CAMTA1: variants seen among roughly 807,000 people sequenced by gnomAD.
The protein encoded by CAMTA1 is calmodulin-binding transcription activator 1.
CAMTA1 carries 27 observed loss-of-function variants against 170.9 expected under a neutral mutation model. The ratio of observed to expected loss-of-function variants is 0.16; its 90% CI spans 0.12 to 0.22. The LOEUF is 0.22. Ranked by LOEUF, CAMTA1 falls within the 10% of genes least tolerant of loss-of-function variation. The pLI is 1.00. For synonymous variants in CAMTA1, 833 were observed against 891.5 expected (o/e 0.93, Z 1.17); for missense variants, 1,619 against 2,217.2 (o/e 0.73, Z 5.42).
intron 5 of CAMTA1, among the ~76,000 whole-genome samples, chr1:7,460,445 G>T (rs189050651): frequency 6.2e-4 from 94 of 152,166 alleles, no homozygotes; most frequent in African/African-American, 2.1e-3. Flanking sequence ...CTACGAGACT[G>T]GGGGAGGCTG....
rs1185313778 is a variant in CAMTA1, at chr1:7,732,295, A to G, written c.2915-153A>G. 1.3e-5 allele frequency among the ~76,000 whole-genome samples: 2 copies of G among 152,168 alleles called. No homozygotes were observed. Among genetic ancestry groups the G allele is most frequent in the Non-Finnish European group, 2.9e-5 (2 of 68,028 alleles). On this transcript the variant is annotated intron_variant, in intron 11 of 22. Coordinates refer to ENST00000303635, the MANE Select transcript of CAMTA1 (RefSeq NM_015215.4). The surrounding 1 kb of genome is among the most constrained non-coding windows in gnomAD (Gnocchi z 4.1). ...TGTGTGAGGTGGTGACAGATTCACG[A>G]TCGTGCTGGGGAACTCTGGCTGGCG...
intron 3 of CAMTA1, among the ~76,000 whole-genome samples, chr1:7,049,916 G>A (rs1479618377): frequency 2.6e-5 from 4 of 152,248 alleles, no homozygotes; most frequent in Non-Finnish European, 5.9e-5. Context: ...CTGATGTTCT[G>A]GTGGGAGGAG....
At position 7,766,533 on chromosome 1, in the gene CAMTA1, C is replaced by A; in HGVS notation, c.*42C>A. The A allele has an allele frequency of 6.3e-7, 1 of 1,589,008 alleles. No individual in the cohort carries two copies. The highest frequency in any genetic ancestry group is 1.3e-5 in the African/African-American group (1 of 74,574). On this transcript the variant is annotated 3_prime_UTR_variant, in exon 23 of 23. Coordinates refer to ENST00000303635, the MANE Select transcript of CAMTA1 (RefSeq NM_015215.4). Reference sequence around the variant, plus strand: ...CCCTTAGCAATGTGACATTGCTTTTCAGACTGTTTTCATTTCTGTTTTTAG... The same window carrying A: ...CCCTTAGCAATGTGACATTGCTTTTAAGACTGTTTTCATTTCTGTTTTTAG...
At chr1:7,046,034 T>TC (rs59873161) in intron 3 of CAMTA1, among the ~76,000 whole-genome samples, 22,310 of 152,144 alleles carry the variant, frequency 0.15, 2,267 homozygotes, top group African/African-American at 0.29. Flanking sequence ...GGCCTGGGAT[T>TC]CTCCAGTGGG....
At chr1:7,631,057 G>C (rs1269967353) in intron 6 of CAMTA1, among the ~76,000 whole-genome samples, 3 of 152,126 alleles carry the variant, frequency 2.0e-5, no homozygotes, top group African/African-American at 7.2e-5. Flanking sequence ...GTCCCTGAAG[G>C]CTGTTCCCCA....
intron 3 of CAMTA1, among the ~76,000 whole-genome samples, chr1:7,031,245 G>A (rs905595933): frequency 2.0e-5 from 3 of 151,868 alleles, no homozygotes; most frequent in African/African-American, 7.2e-5. Flanking sequence ...CATATATGTT[G>A]AAGCTCTGTT....
At chr1:7,133,813 C>G (rs1196033930) in intron 4 of CAMTA1, among the ~76,000 whole-genome samples, 1 of 152,198 alleles carries the variant, frequency 6.6e-6, no homozygotes. Context: ...GATGTTTTCT[C>G]TCTCACACTT....
At chr1:7,713,734 C>T (rs114113888) in intron 11 of CAMTA1, among the ~76,000 whole-genome samples, 2,344 of 152,166 alleles carry the variant, frequency 0.015, 55 homozygotes, top group African/African-American at 0.053. Flanking sequence ...CTTTGAGCCC[C>T]CTGAAATTGA....
chr1:7,178,939 G>A (rs553488163), intron 4 of CAMTA1, among the ~76,000 whole-genome samples: 6 of 152,348 alleles, frequency 3.9e-5, no homozygotes, highest in African/African-American at 9.6e-5. Context: ...GGCAGTGGCC[G>A]TGGAGGAGCT....
chr1:7,408,064 TG>T (rs1319487487), intron 5 of CAMTA1, among the ~76,000 whole-genome samples: 4 of 152,156 alleles, frequency 2.6e-5, no homozygotes, highest in African/African-American at 9.7e-5. Flanking sequence ...CCACGAGGCC[TG>T]GTCGTGGGTG....
At chr1:7,360,830 G>T (rs1008338975) in intron 5 of CAMTA1, among the ~76,000 whole-genome samples, 2 of 152,228 alleles carry the variant, frequency 1.3e-5, no homozygotes, top group Admixed American at 6.5e-5. Context: ...CTTTCTCCAC[G>T]CCGGAGTTGC....
intron 1 of CAMTA1, among the ~76,000 whole-genome samples, chr1:6,790,377 T>TGA (rs1640743437): frequency 1.1e-5 from 1 of 94,676 alleles, no homozygotes; most frequent in Non-Finnish European, 2.4e-5. Flanking sequence ...AGAGAGAGAG[T>TGA]GTGTGTGTGT....
chr1:7,315,551 A>T (rs1474564495), intron 5 of CAMTA1, among the ~76,000 whole-genome samples: 1 of 152,154 alleles, frequency 6.6e-6, no homozygotes, highest in Admixed American at 6.5e-5. Flanking sequence ...AACTTTCCTG[A>T]GCCTCAAATG....
chr1:6,957,622 C>T (rs897805086), intron 3 of CAMTA1, among the ~76,000 whole-genome samples: 1 of 152,152 alleles, frequency 6.6e-6, no homozygotes, highest in African/African-American at 2.4e-5. Flanking sequence ...TCTCTTCTGC[C>T]TCTTCTTTAT....
chr1:7,739,747 A>G (rs1163484199), intron 16 of CAMTA1, among the ~76,000 whole-genome samples: 1 of 152,210 alleles, frequency 6.6e-6, no homozygotes, highest in Non-Finnish European at 1.5e-5. Flanking sequence ...TGATTCAGTT[A>G]TCTCCCACTG....
intron 3 of CAMTA1, among the ~76,000 whole-genome samples, chr1:6,957,294 C>T (rs1572025399): frequency 2.0e-5 from 3 of 152,198 alleles, no homozygotes; most frequent in Admixed American, 1.3e-4. Flanking sequence ...CAGGTCAGCT[C>T]TTAGCAGCGT....
chr1:7,737,432 C>T lies in CAMTA1; in HGVS notation c.3520C>T (p.Leu1174=). 6.2e-7 allele frequency: 1 copy of T among 1,614,166 alleles called. No homozygotes were observed. The highest frequency in any genetic ancestry group is 8.5e-7 in the Non-Finnish European group (1 of 1,179,986). ...EHLQRDEQAQ[L]GQNPRIHCPA... Reference sequence around the variant, plus strand: ...CCTGCAGAGAGATGAGCAGGCTCAGCTGGGACAGAACCCCAGAATCCACTG... The same window carrying T: ...CCTGCAGAGAGATGAGCAGGCTCAGTTGGGACAGAACCCCAGAATCCACTG... Residue 1174 remains leucine (L), a synonymous_variant, in exon 15 of 23, where the codon CTG becomes TTG. Transcript: ENST00000303635.
chr1:7,053,212 T>C (rs1240909724), intron 3 of CAMTA1, among the ~76,000 whole-genome samples: 1 of 152,204 alleles, frequency 6.6e-6, no homozygotes, highest in African/African-American at 2.4e-5. Context: ...TCTCCTGCGG[T>C]GGCAGCTTCT....
intron 2 of CAMTA1, among the ~76,000 whole-genome samples, chr1:6,821,980 A>C (rs903585850): frequency 2.0e-5 from 3 of 152,172 alleles, no homozygotes; most frequent in African/African-American, 7.2e-5. Flanking sequence ...CATTTTCAAG[A>C]GCCTCACTAG....
Sources: allele counts gnomAD v4.1 joint callset (sites outside exome capture counted in the v4.1 genomes callset), GRCh38; gene constraint gnomAD v4.1.1; non-coding constraint Gnocchi (gnomAD v3.1); transcripts MANE v1.5; gene names NCBI Gene and HGNC (gene_info 2026-07-23, HGNC 2026-07-21).